FRK: variants seen among roughly 807,000 people sequenced by gnomAD.
FRK encodes tyrosine-protein kinase FRK.
Under a neutral mutation model 56.4 loss-of-function variants are expected in FRK, and 51 were observed. That is an observed-to-expected ratio of 0.90 (90% CI 0.72 to 1.14). The LOEUF (loss-of-function observed/expected upper bound fraction) is 1.14. Among genes scored for constraint, FRK ranks in the 50% most tolerant of loss-of-function variants. The pLI is 0.00. For synonymous variants in FRK, 245 were observed against 217.9 expected (o/e 1.12, Z -1.10); for missense variants, 570 against 601.4 (o/e 0.95, Z 0.55).
At chr6:116,063,472 A>G (rs1777688772), upstream of FRK, among the ~76,000 whole-genome samples, 4 of 152,190 alleles carry the variant, frequency 2.6e-5, no homozygotes, top group South Asian at 8.3e-4. Flanking sequence ...CAAATACTGC[A>G]TGTTCTGACT....
chr6:116,090,135 A>G, the FRK span, among the ~76,000 whole-genome samples: 1 of 152,236 alleles, frequency 6.6e-6, no homozygotes, highest in African/African-American at 2.4e-5. Flanking sequence ...TCAGATAAAC[A>G]GGATGAAGAG....
intron 1 of FRK, among the ~76,000 whole-genome samples, chr6:116,036,812 C>A (rs1457002652): frequency 6.6e-6 from 1 of 152,042 alleles, no homozygotes; most frequent in Non-Finnish European, 1.5e-5. Flanking sequence ...ATATGTTGAG[C>A]AAATTAAATG....
intron 1 of FRK, among the ~76,000 whole-genome samples, chr6:116,029,581 A>G (rs1776223992): frequency 6.6e-6 from 1 of 152,156 alleles, no homozygotes. Context: ...TTCCTAAATC[A>G]TCAATTTAAT....
intron 2 of FRK, among the ~76,000 whole-genome samples, chr6:115,987,318 C>A (rs545022092): frequency 6.6e-6 from 1 of 152,032 alleles, no homozygotes; most frequent in East Asian, 1.9e-4. Flanking sequence ...AGCCACAGTT[C>A]TAGTAATAGA....
chr6:115,977,123 T>C (rs1774018727), intron 2 of FRK, among the ~76,000 whole-genome samples: 1 of 152,032 alleles, frequency 6.6e-6, no homozygotes, highest in Non-Finnish European at 1.5e-5. Context: ...TCAGAAATCA[T>C]GCTAAGATAG....
chr6:115,959,429 T>G (rs1335676259), intron 4 of FRK, among the ~76,000 whole-genome samples: 2 of 152,150 alleles, frequency 1.3e-5, no homozygotes. Context: ...AAAAGAATTA[T>G]TAGATTGGAC....
chr6:116,038,972 C>A (rs1428300159), intron 1 of FRK: 14 of 700,946 alleles, frequency 2.0e-5, no homozygotes, highest in Non-Finnish European at 3.5e-5. Flanking sequence ...CTAACGGGGC[C>A]TTTACTTGGG....
chr6:116,043,526 T>G (rs1297624079), intron 1 of FRK, among the ~76,000 whole-genome samples: 2 of 152,016 alleles, frequency 1.3e-5, no homozygotes, highest in Non-Finnish European at 2.9e-5. Flanking sequence ...ATAAATAAGT[T>G]CTTTGAAACC....
At chr6:116,079,367 A>T in the FRK span, among the ~76,000 whole-genome samples, 1 of 149,190 alleles carries the variant, frequency 6.7e-6, no homozygotes, top group Non-Finnish European at 1.5e-5. Context: ...CTCTTCTTTG[A>T]TTCAGGTCTT....
At chr6:115,994,338 C>CCCCCTTTTTT (rs1554230544) in intron 2 of FRK, among the ~76,000 whole-genome samples, 2 of 91,770 alleles carry the variant, frequency 2.2e-5, no homozygotes, top group Non-Finnish European at 4.8e-5. Flanking sequence ...CCCCCCCCGC[C>CCCCCTTTTTT]TTTTTTTTGT....
intron 7 of FRK, 76 bp downstream of exon 7, chr6:115,942,944 C>G: frequency 7.0e-7 from 1 of 1,422,730 alleles, no homozygotes; most frequent in Non-Finnish European, 9.6e-7. Context: ...CCCTCTAAGT[C>G]TGGGCAAAGC....
At chr6:115,999,546 C>T (rs1774970023) in intron 2 of FRK, among the ~76,000 whole-genome samples, 1 of 152,170 alleles carries the variant, frequency 6.6e-6, no homozygotes, top group African/African-American at 2.4e-5. Flanking sequence ...CTGACAGCTC[C>T]AAGCCATTGT....
chr6:115,988,572 C>T, intron 2 of FRK, among the ~76,000 whole-genome samples: 1 of 151,956 alleles, frequency 6.6e-6, no homozygotes, highest in Non-Finnish European at 1.5e-5. Context: ...TATGTTTTGT[C>T]TACATGATGG....
intron 1 of FRK, among the ~76,000 whole-genome samples, chr6:116,044,307 C>G (rs1281951059): frequency 6.6e-6 from 1 of 152,174 alleles, no homozygotes; most frequent in Non-Finnish European, 1.5e-5. Flanking sequence ...GGCCAATATC[C>G]CTGATTAACA....
the FRK span, among the ~76,000 whole-genome samples, chr6:116,077,405 C>T: frequency 6.6e-6 from 1 of 152,288 alleles, no homozygotes; most frequent in Non-Finnish European, 1.5e-5. Flanking sequence ...TTTCCTTTCA[C>T]AAAAATTACA....
At chr6:116,035,559 T>C (rs1776447303) in intron 1 of FRK, among the ~76,000 whole-genome samples, 1 of 152,080 alleles carries the variant, frequency 6.6e-6, no homozygotes, top group Non-Finnish European at 1.5e-5. Flanking sequence ...CTAATATAAC[T>C]CACTAGCAAA....
the FRK span, among the ~76,000 whole-genome samples, chr6:116,086,106 C>T: frequency 1.3e-5 from 2 of 151,798 alleles, no homozygotes; most frequent in South Asian, 2.1e-4. Context: ...CCCGAGTTCA[C>T]GCCATTCTCC....
At chr6:116,034,891 C>T (rs1487172945) in intron 1 of FRK, among the ~76,000 whole-genome samples, 3 of 151,722 alleles carry the variant, frequency 2.0e-5, no homozygotes, top group South Asian at 2.1e-4. Context: ...TTATATGATG[C>T]CTAGGATTTG....
chr6:116,078,803 CA>C, the FRK span, among the ~76,000 whole-genome samples: 1 of 152,188 alleles, frequency 6.6e-6, no homozygotes, highest in Non-Finnish European at 1.5e-5. Context: ...AACTTCCTTT[CA>C]TTTTTTTATT....
Sources: allele counts gnomAD v4.1 joint callset (sites outside exome capture counted in the v4.1 genomes callset), GRCh38; gene constraint gnomAD v4.1.1; transcripts MANE v1.5; gene names NCBI Gene and HGNC (gene_info 2026-07-23, HGNC 2026-07-21).